RGS8: variants seen among roughly 807,000 people sequenced by gnomAD.
The protein encoded by RGS8 is regulator of G-protein signaling 8.
Under a neutral mutation model 21.7 loss-of-function variants are expected in RGS8, and 8 were observed. That is an observed-to-expected ratio of 0.37 (90% confidence interval 0.22 to 0.66). The LOEUF is 0.66. Ranked by LOEUF, RGS8 falls within the 30% of genes least tolerant of loss-of-function variation. The pLI is 0.59. For missense variants in RGS8, 157 were observed against 217.9 expected (o/e 0.72, Z 1.76); for synonymous variants, 80 against 83.6 (o/e 0.96, Z 0.24).
chr1:182,674,190 A>G (rs1383322329), upstream of RGS8, among the ~76,000 whole-genome samples: 1 of 152,190 alleles, frequency 6.6e-6, no homozygotes, highest in East Asian at 1.9e-4. Context: ...TGCCCCGGCC[A>G]GTGTCCACGG....
chr1:182,670,604 C>G (rs372851443), intron 2 of RGS8, among the ~76,000 whole-genome samples: 1 of 152,110 alleles, frequency 6.6e-6, no homozygotes, highest in South Asian at 2.1e-4. Flanking sequence ...AAACATAGAA[C>G]CCATTTTAAA....
chr1:182,747,083 A>G, the RGS8 span, among the ~76,000 whole-genome samples: 31 of 10,932 alleles, frequency 2.8e-3, 1 homozygote, highest in Non-Finnish European at 7.0e-3. Context: ...TTTTTTTTGT[A>G]GAGATGGAGA....
the RGS8 span, among the ~76,000 whole-genome samples, chr1:182,726,135 T>C: frequency 1.3e-5 from 2 of 151,748 alleles, no homozygotes; most frequent in African/African-American, 4.8e-5. Flanking sequence ...AAACTGGCAC[T>C]GATTGCTTTT....
the RGS8 span, among the ~76,000 whole-genome samples, chr1:182,711,543 A>G: frequency 6.6e-6 from 1 of 152,246 alleles, no homozygotes; most frequent in Non-Finnish European, 1.5e-5. Context: ...GGAGGAAAGG[A>G]GGACTGATAA....
the RGS8 span, among the ~76,000 whole-genome samples, chr1:182,724,236 A>G: frequency 1.7e-5 from 2 of 120,750 alleles, no homozygotes; most frequent in Admixed American, 1.6e-4. Flanking sequence ...ATATATATAT[A>G]TATATATATA....
At chr1:182,739,685 G>A in the RGS8 span, among the ~76,000 whole-genome samples, 1 of 152,096 alleles carries the variant, frequency 6.6e-6, no homozygotes, top group Non-Finnish European at 1.5e-5. Flanking sequence ...TGTAGACAGT[G>A]CTGTTTCCAT....
chr1:182,744,086 T>C, the RGS8 span, among the ~76,000 whole-genome samples: 3 of 152,348 alleles, frequency 2.0e-5, no homozygotes, highest in Non-Finnish European at 4.4e-5. Flanking sequence ...TGACTCATAA[T>C]GTACACTCAA....
chr1:182,693,181 C>G, the RGS8 span, among the ~76,000 whole-genome samples: 3 of 152,150 alleles, frequency 2.0e-5, no homozygotes, highest in Admixed American at 2.0e-4. Flanking sequence ...ACAGGATAAA[C>G]AGACAACATA....
At chr1:182,659,598 C>T (rs1253382493) in intron 5 of RGS8, among the ~76,000 whole-genome samples, 1 of 152,070 alleles carries the variant, frequency 6.6e-6, no homozygotes, top group Non-Finnish European at 1.5e-5. Flanking sequence ...ACTTAGGAGG[C>T]TGAGGCAGGA....
the RGS8 span, among the ~76,000 whole-genome samples, chr1:182,693,546 G>A: frequency 6.6e-6 from 1 of 152,238 alleles, no homozygotes; most frequent in Non-Finnish European, 1.5e-5. Flanking sequence ...TTCAGCCACT[G>A]TGGAAAGCCA....
chr1:182,738,034 A>T, the RGS8 span, among the ~76,000 whole-genome samples: 2 of 152,250 alleles, frequency 1.3e-5, no homozygotes, highest in South Asian at 4.1e-4. Context: ...AACTATTTTT[A>T]AAAATTGCTT....
chr1:182,732,301 A>ACACACACACACACACCCC, the RGS8 span, among the ~76,000 whole-genome samples: 8 of 150,538 alleles, frequency 5.3e-5, no homozygotes, highest in Admixed American at 2.0e-4. Flanking sequence ...ACACACACAC[A>ACACACACACACACACCCC]CCCACTGTAG....
chr1:182,711,717 G>A, the RGS8 span, among the ~76,000 whole-genome samples: 2 of 152,118 alleles, frequency 1.3e-5, no homozygotes, highest in African/African-American at 4.8e-5. Context: ...CAAGGCCTTG[G>A]CATCTGCATT....
the RGS8 span, among the ~76,000 whole-genome samples, chr1:182,693,070 A>G: frequency 6.6e-6 from 1 of 152,262 alleles, no homozygotes; most frequent in Non-Finnish European, 1.5e-5. Context: ...TGGCCAAGGC[A>G]AATACTTTAT....
At chr1:182,703,682 T>C in the RGS8 span, among the ~76,000 whole-genome samples, 1 of 152,226 alleles carries the variant, frequency 6.6e-6, no homozygotes, top group Non-Finnish European at 1.5e-5. Context: ...ACAGATGATT[T>C]TGAAAGTCAT....
chr1:182,737,689 G>A, the RGS8 span, among the ~76,000 whole-genome samples: 2 of 152,056 alleles, frequency 1.3e-5, no homozygotes, highest in East Asian at 3.8e-4. Context: ...TCCAGTCTCA[G>A]GTATGTCTTT....
chr1:182,646,769 T>G (rs755232286), exon 7 of RGS8: 1 of 1,614,172 alleles, frequency 6.2e-7, no homozygotes, highest in Non-Finnish European at 8.5e-7. Context: ...GGACAGCAGA[T>G]CTAAGTACAT....
chr1:182,691,040 T>G, the RGS8 span, among the ~76,000 whole-genome samples: 3 of 152,242 alleles, frequency 2.0e-5, no homozygotes, highest in Admixed American at 2.0e-4. Flanking sequence ...GCCAGTCTGC[T>G]GCCAGACATG....
chr1:182,703,183 A>C, the RGS8 span, among the ~76,000 whole-genome samples: 2 of 152,204 alleles, frequency 1.3e-5, no homozygotes, highest in South Asian at 4.1e-4. Context: ...TACCCTCTAC[A>C]AATTCCCTGC....
Sources: allele counts gnomAD v4.1 joint callset (sites outside exome capture counted in the v4.1 genomes callset), GRCh38; gene constraint gnomAD v4.1.1; transcripts MANE v1.5; gene names NCBI Gene and HGNC (gene_info 2026-07-23, HGNC 2026-07-21).